The following GRIK4 variants were observed in gnomAD, a reference collection of about 807,000 sequenced individuals.
GRIK4 encodes the protein glutamate receptor ionotropic, kainate 4.
In GRIK4, 40 loss-of-function variants were observed where a neutral mutation model predicts 104.9. That is an observed-to-expected ratio of 0.38 (90% CI 0.30 to 0.50). The LOEUF (loss-of-function observed/expected upper bound fraction) is 0.50. Among genes scored for constraint, GRIK4 ranks in the 20% least tolerant of loss-of-function variants. The probability of loss-of-function intolerance (pLI) is 0.93; values close to 1 mark genes in which losing one functional copy is unlikely to be tolerated. For missense variants in GRIK4, 1,047 were observed against 1,308.1 expected (o/e 0.80, Z 3.08); for synonymous variants, 485 against 524.9 (o/e 0.92, Z 1.04).
chr11:120,719,548 T>C (rs1591832812), intron 3 of GRIK4, among the ~76,000 whole-genome samples: 1 of 152,166 alleles, frequency 6.6e-6, no homozygotes, highest in East Asian at 1.9e-4. Flanking sequence ...TTGAAGATGA[T>C]CTGAGATACA....
At chr11:120,804,751 A>T (rs1248636605) in intron 4 of GRIK4, among the ~76,000 whole-genome samples, 1 of 152,176 alleles carries the variant, frequency 6.6e-6, no homozygotes, top group Non-Finnish European at 1.5e-5. Context: ...AGTGCCTCTT[A>T]ATGTGCATCC....
At chr11:120,601,613 GT>G (rs1405247861) in intron 1 of GRIK4, among the ~76,000 whole-genome samples, 9 of 140,880 alleles carry the variant, frequency 6.4e-5, no homozygotes, top group East Asian at 2.0e-4. Flanking sequence ...TAATTGACTG[GT>G]TTTTTTTTGG....
Position 120,928,988 on chromosome 11 carries a change from T to TGTGTGTGC in GRIK4, c.1477-11358_1477-11357insTGTGTGCG, listed in dbSNP as rs1205285819. On this transcript the variant is annotated intron_variant, in intron 13 of 20. Transcript: ENST00000527524. ...GTGTGTGTGTGTGTGTGTGTGTGTG[T>TGTGTGTGC]GCGCGCGTGCACGCGTGTATGTGTG... Among the ~76,000 whole-genome samples the TGTGTGTGC allele has an allele frequency of 3.0e-3, 361 of 118,582 alleles. 3 individuals carry two copies. Among genetic ancestry groups the TGTGTGTGC allele is most frequent in the African/African-American group, 9.3e-3 (345 of 37,212 alleles). 77.8% of individuals were successfully genotyped at this position (118,582 alleles called of 152,430 possible).
At chr11:120,918,317 C>G (rs17124551) in intron 13 of GRIK4, among the ~76,000 whole-genome samples, 1 of 152,190 alleles carries the variant, frequency 6.6e-6, no homozygotes, top group East Asian at 1.9e-4. Flanking sequence ...CCCGGGGTGA[C>G]AACCCTATTG....
At chr11:120,664,351 A>G (rs1409039666) in intron 3 of GRIK4, among the ~76,000 whole-genome samples, 1 of 152,256 alleles carries the variant, frequency 6.6e-6, no homozygotes, top group Non-Finnish European at 1.5e-5. Context: ...ACAATTATTC[A>G]TTCATTAATT....
chr11:120,748,812 G>C (rs1013979228), intron 3 of GRIK4, among the ~76,000 whole-genome samples: 2 of 152,202 alleles, frequency 1.3e-5, no homozygotes, highest in East Asian at 1.9e-4. Flanking sequence ...AGGGCCCTTC[G>C]GGAGTTGAAG....
chr11:120,555,063 C>T lies in GRIK4; in HGVS notation c.-159+43176C>T, dbSNP rs984874533. On this transcript the variant is annotated intron_variant, in intron 1 of 20. Transcript: ENST00000527524. The surrounding 1 kb of genome is among the most constrained non-coding windows in gnomAD (Gnocchi z 5.3). ...CACAGAAGCTGGTTGCCTCTGAAGC[C>T]TGTGAGGCATGAGAAGGCGCTCTGC... Among the ~76,000 whole-genome samples the T allele has an allele frequency of 1.3e-5, 2 of 152,230 alleles. No individual in the cohort carries two copies.
intron 3 of GRIK4, among the ~76,000 whole-genome samples, chr11:120,681,511 ATT>A (rs1950193161): frequency 6.6e-6 from 1 of 151,924 alleles, no homozygotes; most frequent in Non-Finnish European, 1.5e-5. Context: ...CCCGCTAAGT[ATT>A]TACTCTCCAC....
chr11:120,531,526 G>A (rs1490096593), intron 1 of GRIK4, among the ~76,000 whole-genome samples: 2 of 152,110 alleles, frequency 1.3e-5, no homozygotes, highest in Non-Finnish European at 1.5e-5. Flanking sequence ...GTGCAGTGAG[G>A]GGTCTGCCCA....
chr11:120,934,056 T>G (rs1377158538), intron 13 of GRIK4, among the ~76,000 whole-genome samples: 1 of 151,776 alleles, frequency 6.6e-6, no homozygotes, highest in Non-Finnish European at 1.5e-5. Flanking sequence ...TATAAAAAAA[T>G]TAGTCGGGCA....
At chr11:120,893,101 AAC>A (rs1259795191) in intron 11 of GRIK4, among the ~76,000 whole-genome samples, 5 of 152,232 alleles carry the variant, frequency 3.3e-5, no homozygotes, top group Non-Finnish European at 5.9e-5. Flanking sequence ...TCGTAATGAT[AAC>A]ACTGCATATT....
At chr11:120,746,554 C>G (rs1469460841) in intron 3 of GRIK4, among the ~76,000 whole-genome samples, 1 of 152,100 alleles carries the variant, frequency 6.6e-6, no homozygotes, top group African/African-American at 2.4e-5. Context: ...CCAGGGTCAA[C>G]GAATGTGGAG....
intron 1 of GRIK4, among the ~76,000 whole-genome samples, chr11:120,514,089 CA>C (rs1947693960): frequency 2.0e-5 from 3 of 152,082 alleles, no homozygotes; most frequent in Admixed American, 1.3e-4. Context: ...GAAGGGAGGA[CA>C]GGGGGACCGG....
At chr11:120,866,419 G>T (rs549943468) in intron 9 of GRIK4, among the ~76,000 whole-genome samples, 1 of 152,278 alleles carries the variant, frequency 6.6e-6, no homozygotes, top group South Asian at 2.1e-4. Flanking sequence ...ATGGAGCAGG[G>T]GTCCCGTGCT....
At chr11:120,597,177 TG>T (rs1948813685) in intron 1 of GRIK4, among the ~76,000 whole-genome samples, 1 of 150,142 alleles carries the variant, frequency 6.7e-6, no homozygotes, top group Non-Finnish European at 1.5e-5. Flanking sequence ...GCTTTGTTCT[TG>T]GGCCCCTGGA....
Position 120,967,692 on chromosome 11 carries a change from T to C in GRIK4, c.2395+369T>C, listed in dbSNP as rs1944408350. ...GTCTCTACAGTATATTCTCCGCTAC[T>C]AGCCAGAGTGATCCTTTTTAAAAAT... is the stretch of plus-strand genomic sequence containing the variant. On this transcript the variant is annotated intron_variant, in intron 19 of 20. Transcript: ENST00000527524. The surrounding 1 kb of genome is among the most constrained non-coding windows in gnomAD (Gnocchi z 4.2). Among the ~76,000 whole-genome samples, 1 of 152,202 alleles carries C rather than the reference T, an allele frequency of 6.6e-6. No individual in the cohort carries two copies. The highest frequency in any genetic ancestry group is 2.4e-5 in the African/African-American group (1 of 41,448).
At chr11:120,924,571 T>G (rs1943300700) in intron 13 of GRIK4, among the ~76,000 whole-genome samples, 1 of 150,906 alleles carries the variant, frequency 6.6e-6, no homozygotes, top group South Asian at 2.1e-4. Context: ...AAGACCCCCT[T>G]GTCCCCACCC....
In GRIK4 at chr11:120,940,438, G is replaced by A. The variant is rs993462722; in HGVS notation, c.1568G>A (p.Ser523Asn). 5 of 1,606,884 alleles carry A rather than the reference G, an allele frequency of 3.1e-6. No homozygotes were observed. Among genetic ancestry groups the A allele is most frequent in the Non-Finnish European group, 4.3e-6 (5 of 1,173,570 alleles). ...AAGCCATTCATGACTCTGGGAATTA[G>A]CATTCTTTACCGCGTTCATATGGTA... The part of the protein sequence containing the change: ...FSKPFMTLGI[S>N]ILYRVHMGRK... Residue 523 changes from serine to asparagine, a missense_variant, in exon 14 of 21, where the codon AGC (serine) becomes AAC (asparagine). Ser to Asn is a conservative substitution (Grantham distance 46). This residue lies in a region of GRIK4 where 440 missense variants were observed against 652.3 expected (regional missense o/e 0.67). Transcript: ENST00000527524. The surrounding 1 kb of genome is among the most constrained non-coding windows in gnomAD (Gnocchi z 4.3).
chr11:120,654,575 C>T (rs1438174352), intron 2 of GRIK4, among the ~76,000 whole-genome samples: 1 of 152,086 alleles, frequency 6.6e-6, no homozygotes, highest in Non-Finnish European at 1.5e-5. Context: ...GTTGGCCAGG[C>T]TGGTCTCAAA....
Sources: gnomAD v4.1 joint callset for allele counts (sites outside exome capture counted in the v4.1 genomes callset) on GRCh38, gnomAD v4.1.1 for gene constraint, gnomAD v4.1.1 regional missense constraint, Gnocchi (gnomAD v3.1) non-coding constraint, MANE v1.5 for transcripts, NCBI Gene and HGNC (gene_info 2026-07-23, HGNC 2026-07-21) for gene names.